IL34: variants seen among roughly 807,000 people sequenced by gnomAD.
The protein encoded by IL34 is interleukin 34.
IL34 carries 17 observed loss-of-function variants against 25.3 expected under a neutral mutation model. That is an observed-to-expected ratio of 0.67 (90% CI 0.46 to 1.01). The LOEUF is 1.01. Among genes scored for constraint, IL34 ranks in the 50% least tolerant of loss-of-function variants. The probability of loss-of-function intolerance (pLI) is 0.00; values close to 1 mark genes in which losing one functional copy is unlikely to be tolerated. For missense variants in IL34, 368 were observed against 312.9 expected (o/e 1.18, Z -1.33); for synonymous variants, 174 against 140.9 (o/e 1.23, Z -1.66).
intron 1 of IL34, among the ~76,000 whole-genome samples, chr16:70,629,048 A>C (rs903944657): frequency 6.6e-6 from 1 of 152,122 alleles, no homozygotes; most frequent in African/African-American, 2.4e-5. Context: ...AAGCACTGAG[A>C]TTATAGGCAT....
At chr16:70,619,777 G>A (rs1402361807) in intron 1 of IL34, among the ~76,000 whole-genome samples, 3 of 152,040 alleles carry the variant, frequency 2.0e-5, no homozygotes, top group Non-Finnish European at 4.4e-5. Flanking sequence ...GAGAGCCTTG[G>A]GCCAGAGTTC....
intron 1 of IL34, among the ~76,000 whole-genome samples, chr16:70,585,330 C>T (rs1443335627): frequency 6.6e-6 from 1 of 152,070 alleles, no homozygotes; most frequent in Non-Finnish European, 1.5e-5. Context: ...CTCAAGCGAT[C>T]CTCCCGCCTC....
At chr16:70,604,766 G>A (rs565328914) in intron 1 of IL34, among the ~76,000 whole-genome samples, 7 of 152,324 alleles carry the variant, frequency 4.6e-5, no homozygotes, top group African/African-American at 7.2e-5. Context: ...ACAAAGTGAC[G>A]TGCAGGATAC....
chr16:70,638,234 T>C (rs941902489), intron 1 of IL34, among the ~76,000 whole-genome samples: 1 of 152,106 alleles, frequency 6.6e-6, no homozygotes, highest in African/African-American at 2.4e-5. Flanking sequence ...CCCAGCACTT[T>C]GGGAGGCCAA....
chr16:70,634,403 G>T (rs557970060), intron 1 of IL34, among the ~76,000 whole-genome samples: 2 of 152,212 alleles, frequency 1.3e-5, no homozygotes, highest in South Asian at 2.1e-4. Flanking sequence ...TTCCAGGCTG[G>T]GCGCAGTGGC....
At chr16:70,628,469 T>TTTTATTTA (rs765080002) in intron 1 of IL34, among the ~76,000 whole-genome samples, 1 of 149,916 alleles carries the variant, frequency 6.7e-6, no homozygotes, top group African/African-American at 2.5e-5. Context: ...GTGGGTTTGT[T>TTTTATTTA]TTTATTTATT....
chr16:70,594,509 A>C (rs1474461308), intron 1 of IL34, among the ~76,000 whole-genome samples: 1 of 152,194 alleles, frequency 6.6e-6, no homozygotes, highest in Non-Finnish European at 1.5e-5. Flanking sequence ...CCATTCATCT[A>C]TCCAAAGACA....
At chr16:70,582,774 CAAG>C (rs1440433897) in intron 1 of IL34, among the ~76,000 whole-genome samples, 1 of 152,186 alleles carries the variant, frequency 6.6e-6, no homozygotes, top group Non-Finnish European at 1.5e-5. Flanking sequence ...GAGACATGCA[CAAG>C]ATGCCTCTCT....
chr16:70,650,443 C>A (rs2052050838), intron 1 of IL34, among the ~76,000 whole-genome samples: 1 of 152,144 alleles, frequency 6.6e-6, no homozygotes, highest in Non-Finnish European at 1.5e-5. Flanking sequence ...CACTCCAAGG[C>A]ACAGTCCCTG....
chr16:70,595,249 C>A (rs2050805481), intron 1 of IL34, among the ~76,000 whole-genome samples: 1 of 152,128 alleles, frequency 6.6e-6, no homozygotes, highest in Non-Finnish European at 1.5e-5. Context: ...GTGTGAGCCA[C>A]CGTGCCTGGC....
At chr16:70,587,053 T>A (rs562227275) in intron 1 of IL34, among the ~76,000 whole-genome samples, 14 of 152,250 alleles carry the variant, frequency 9.2e-5, no homozygotes, top group African/African-American at 3.1e-4. Context: ...CTAGCTAGTG[T>A]CAGGGTCAAG....
intron 1 of IL34, among the ~76,000 whole-genome samples, chr16:70,638,410 G>C (rs1002200496): frequency 6.6e-6 from 1 of 151,238 alleles, no homozygotes; most frequent in Non-Finnish European, 1.5e-5. Flanking sequence ...CCAGGAGTTT[G>C]AGGCAACAGA....
intron 1 of IL34, among the ~76,000 whole-genome samples, chr16:70,601,205 T>A (rs925951460): frequency 6.6e-6 from 1 of 152,142 alleles, no homozygotes; most frequent in Non-Finnish European, 1.5e-5. Flanking sequence ...GCATTCCTCC[T>A]CTCCATTCTC....
chr16:70,651,275 G>T (rs755824297), intron 1 of IL34, among the ~76,000 whole-genome samples: 1 of 152,088 alleles, frequency 6.6e-6, no homozygotes, highest in East Asian at 1.9e-4. Flanking sequence ...CAGGAGGCAG[G>T]GATGATCTTG....
chr16:70,603,770 C>T (rs772124338), intron 1 of IL34, among the ~76,000 whole-genome samples: 1 of 151,846 alleles, frequency 6.6e-6, no homozygotes, highest in Non-Finnish European at 1.5e-5. Context: ...TCTGTAGAGA[C>T]GGGTTCTCAT....
Position 70,629,778 on chromosome 16 carries a change from A to T in IL34, c.-400-16770A>T, listed in dbSNP as rs989542224. On this transcript the variant is annotated intron_variant, in intron 1 of 6. Coordinates refer to the IL34 transcript ENST00000429149. Reference sequence around the variant, plus strand: ...TTTATGGGGTACATGAGATATTTTGATACGGGAATTCAATGCTTAATAATC... The same window carrying T: ...TTTATGGGGTACATGAGATATTTTGTTACGGGAATTCAATGCTTAATAATC... Among the ~76,000 whole-genome samples the T allele has an allele frequency of 3.3e-5, 5 of 152,032 alleles. No individual in the cohort carries two copies. The South Asian group carries it at 6.2e-4, about 19-fold the overall frequency.
At chr16:70,620,486 A>C (rs910636014) in intron 1 of IL34, among the ~76,000 whole-genome samples, 2 of 152,024 alleles carry the variant, frequency 1.3e-5, no homozygotes, top group African/African-American at 4.8e-5. Context: ...CTGAGGAAGA[A>C]TTGGGACCTA....
rs370239424 is a variant in IL34 at position 70,656,698 on chromosome 16, G to A, written c.240+19G>A. ...CAGGCTGGTGAGAATCCCTTCCTGG[G>A]CTGGGGGGACCCTGCCTCCTGCGAC... On this transcript the variant is annotated intron_variant, in intron 3 of 5. Coordinates refer to ENST00000288098, the MANE Select transcript of IL34 (RefSeq NM_001393494.1). The A allele has an allele frequency of 8.3e-7, 1 of 1,197,724 alleles. No individual in the cohort carries two copies. The highest frequency in any genetic ancestry group is 1.3e-6 in the Non-Finnish European group (1 of 799,314). 74.2% of individuals were successfully genotyped at this position (1,197,724 alleles called of 1,614,324 possible). A position where few individuals can be genotyped will look rare whatever the true frequency, so the allele number is the denominator to read the frequency against.
rs529825277 is a variant in IL34 at position 70,606,225 on chromosome 16, C to T, written c.-401+26176C>T. Among the ~76,000 whole-genome samples, 654 of 151,330 alleles carry T rather than the reference C, an allele frequency of 4.3e-3. 2 individuals carry two copies. Among genetic ancestry groups the T allele is most frequent in the African/African-American group, 0.015 (610 of 41,268 alleles). On this transcript the variant is annotated intron_variant, in intron 1 of 6. Coordinates refer to the IL34 transcript ENST00000429149. ...CAGCCTGGGCAACATGGCGAAACCC[C>T]GTCTCTACTAAAAATACAAAAAATT...
Sources: allele counts gnomAD v4.1 joint callset (sites outside exome capture counted in the v4.1 genomes callset), GRCh38; gene constraint gnomAD v4.1.1; transcripts MANE v1.5; gene names NCBI Gene and HGNC (gene_info 2026-07-23, HGNC 2026-07-21).